LRMDA: variants seen among roughly 807,000 people sequenced by gnomAD.
LRMDA encodes the protein leucine rich melanocyte differentiation associated.
LRMDA carries 18 observed loss-of-function variants against 29.8 expected under a neutral mutation model. The ratio of observed to expected loss-of-function variants is 0.60; its 90% CI spans 0.42 to 0.90. The LOEUF (loss-of-function observed/expected upper bound fraction) is 0.90, where lower values mean the gene tolerates loss of function less well. LRMDA is among the 40% of genes least tolerant of loss of function. LRMDA has a pLI of 0.00. For missense variants in LRMDA, 273 were observed against 273.9 expected (o/e 1.00, Z 0.02); for synonymous variants, 125 against 109.4 (o/e 1.14, Z -0.89).
At chr10:76,504,528 ATCT>A (rs1842941222) in intron 6 of LRMDA, among the ~76,000 whole-genome samples, 1 of 152,054 alleles carries the variant, frequency 6.6e-6, no homozygotes, top group Admixed American at 6.6e-5. Flanking sequence ...TGATAGTTAA[ATCT>A]TCTTGTTAAA....
chr10:75,749,375 C>T (rs1589185731), intron 2 of LRMDA, among the ~76,000 whole-genome samples: 1 of 151,852 alleles, frequency 6.6e-6, no homozygotes, highest in African/African-American at 2.4e-5. Context: ...GGGTTGGTGC[C>T]CCTAACTCCC....
intron 2 of LRMDA, among the ~76,000 whole-genome samples, chr10:75,988,011 G>T (rs1322922390): frequency 6.6e-6 from 1 of 152,122 alleles, no homozygotes; most frequent in Non-Finnish European, 1.5e-5. Context: ...TTGGATTCAG[G>T]TTATATGTGT....
intron 5 of LRMDA, among the ~76,000 whole-genome samples, chr10:76,202,519 A>G (rs1432273897): frequency 2.6e-5 from 4 of 152,006 alleles, no homozygotes; most frequent in Non-Finnish European, 5.9e-5. Context: ...CGGATGCTGG[A>G]GTTTTCTGTT....
chr10:76,516,073 G>A (rs1843058255), intron 6 of LRMDA, among the ~76,000 whole-genome samples: 3 of 152,132 alleles, frequency 2.0e-5, no homozygotes, highest in Admixed American at 1.3e-4. Flanking sequence ...TTTCTTATTT[G>A]TAGCACAGAT....
intron 2 of LRMDA, among the ~76,000 whole-genome samples, chr10:75,514,478 T>G (rs908909285): frequency 2.0e-5 from 3 of 152,030 alleles, no homozygotes; most frequent in African/African-American, 7.3e-5. Flanking sequence ...TGATATAGTT[T>G]GGAGATATGT....
intron 5 of LRMDA, among the ~76,000 whole-genome samples, chr10:76,309,499 T>TA (rs1367056845): frequency 2.0e-5 from 3 of 152,114 alleles, no homozygotes; most frequent in Non-Finnish European, 2.9e-5. Flanking sequence ...CGAGCAGGCT[T>TA]AAAAAAAGGC....
chr10:76,113,552 T>C (rs1027462358), intron 5 of LRMDA, among the ~76,000 whole-genome samples: 8 of 152,094 alleles, frequency 5.3e-5, no homozygotes, highest in Non-Finnish European at 1.0e-4. Flanking sequence ...CGCCTCTTCA[T>C]GCTGTATTGC....
At chr10:76,192,835 T>C (rs1186870654) in intron 5 of LRMDA, among the ~76,000 whole-genome samples, 1 of 152,152 alleles carries the variant, frequency 6.6e-6, no homozygotes, top group Non-Finnish European at 1.5e-5. Context: ...GTGATTTAGT[T>C]AGGTAGAGCT....
intron 2 of LRMDA, among the ~76,000 whole-genome samples, chr10:75,888,640 G>A (rs1412062887): frequency 6.6e-6 from 1 of 152,096 alleles, no homozygotes; most frequent in Non-Finnish European, 1.5e-5. Flanking sequence ...ATTAGGCTCG[G>A]GCTGACTGGA....
chr10:75,445,020 C>A (rs1287439654), intron 2 of LRMDA, among the ~76,000 whole-genome samples: 1 of 152,188 alleles, frequency 6.6e-6, no homozygotes, highest in Non-Finnish European at 1.5e-5. Flanking sequence ...CCTCAACCTC[C>A]CAGGCTCAAA....
At chr10:76,071,496 A>G (rs992541450) in intron 5 of LRMDA, among the ~76,000 whole-genome samples, 22 of 152,242 alleles carry the variant, frequency 1.4e-4, no homozygotes, top group African/African-American at 4.8e-4. Context: ...AAAAGCCTCA[A>G]TACCAACTTG....
At chr10:75,505,875 T>C (rs948309677) in intron 2 of LRMDA, among the ~76,000 whole-genome samples, 2 of 152,230 alleles carry the variant, frequency 1.3e-5, no homozygotes, top group African/African-American at 4.8e-5. Context: ...CAAGTTACTA[T>C]TGTGTGTCTC....
intron 4 of LRMDA, 101 bp downstream of exon 4, chr10:76,047,404 T>A: frequency 8.4e-7 from 1 of 1,189,794 alleles, no homozygotes; most frequent in Non-Finnish European, 1.1e-6. Flanking sequence ...TTGGTACATA[T>A]CAGTGGGTTT....
At chr10:75,910,845 C>G (rs1338714170) in intron 2 of LRMDA, among the ~76,000 whole-genome samples, 1 of 152,154 alleles carries the variant, frequency 6.6e-6, no homozygotes, top group Non-Finnish European at 1.5e-5. Context: ...TCTGTCCAGG[C>G]AAAATTCAAC....
chr10:76,142,289 A>C (rs1850216610), intron 5 of LRMDA, among the ~76,000 whole-genome samples: 1 of 152,160 alleles, frequency 6.6e-6, no homozygotes, highest in Non-Finnish European at 1.5e-5. Flanking sequence ...GTGCATTTAC[A>C]TAGTCTTAAA....
intron 6 of LRMDA, among the ~76,000 whole-genome samples, chr10:76,400,582 T>C (rs527702558): frequency 9.2e-5 from 14 of 152,334 alleles, no homozygotes; most frequent in Non-Finnish European, 1.6e-4. Flanking sequence ...GTTTTCCAAT[T>C]CTCCTTCCTG....
At chr10:75,993,457 G>A (rs1194061897) in intron 2 of LRMDA, among the ~76,000 whole-genome samples, 5 of 152,162 alleles carry the variant, frequency 3.3e-5, no homozygotes, top group African/African-American at 9.7e-5. Flanking sequence ...AGCTTGGCCC[G>A]CTTGGTGGCT....
Position 76,281,146 on chromosome 10 carries a change from A to C in LRMDA, c.517-43255A>C, listed in dbSNP as rs538590805. On this transcript the variant is annotated intron_variant, in intron 5 of 6. Transcript: ENST00000611255. ...GACAGGCTCTCAATTTTTGTGTAGA[A>C]GGAAGTGTCTTGCTGAAGAGCAAAG... Among the ~76,000 whole-genome samples the C allele has an allele frequency of 1.2e-4, 19 of 152,278 alleles. 1 individual carries two copies. The South Asian group carries it at 3.9e-3, about 32-fold the overall frequency.
chr10:76,253,674 T>C (rs1589395591), intron 5 of LRMDA, among the ~76,000 whole-genome samples: 1 of 152,198 alleles, frequency 6.6e-6, no homozygotes, highest in East Asian at 1.9e-4. Context: ...ATTTTTAGAA[T>C]CTTCTGTTCC....
Sources: allele counts gnomAD v4.1 joint callset (sites outside exome capture counted in the v4.1 genomes callset), GRCh38; gene constraint gnomAD v4.1.1; transcripts MANE v1.5; gene names NCBI Gene and HGNC (gene_info 2026-07-23, HGNC 2026-07-21).